Variants in APBB2 observed in about 807,000 individuals in gnomAD.
The protein encoded by APBB2 is Fe65-like 1.
In APBB2, 38 loss-of-function variants were observed where a neutral mutation model predicts 82.5. The observed-to-expected ratio is 0.46, with a 90% confidence interval of 0.36 to 0.60. The LOEUF (loss-of-function observed/expected upper bound fraction) is 0.60, where lower values mean the gene tolerates loss of function less well. Among genes scored for constraint, APBB2 ranks in the 20% least tolerant of loss-of-function variants. The pLI, the probability that APBB2 is intolerant of heterozygous loss-of-function variation, is 0.00. For synonymous variants in APBB2, 341 were observed against 368.2 expected (o/e 0.93, Z 0.85); for missense variants, 772 against 972.3 (o/e 0.79, Z 2.74).
chr4:41,153,870 T>C (rs1015734632), intron 1 of APBB2, among the ~76,000 whole-genome samples: 6 of 152,194 alleles, frequency 3.9e-5, no homozygotes, highest in Non-Finnish European at 8.8e-5. Flanking sequence ...TTTGTTTGAA[T>C]TTGCTCTATA....
At chr4:40,929,797 G>A (rs1265348710) in intron 10 of APBB2, among the ~76,000 whole-genome samples, 6 of 152,172 alleles carry the variant, frequency 3.9e-5, no homozygotes, top group Non-Finnish European at 8.8e-5. Context: ...CAATAAAACC[G>A]ATAGCCTTTG....
chr4:41,185,010 T>C (rs371014639), intron 1 of APBB2, among the ~76,000 whole-genome samples: 1 of 152,232 alleles, frequency 6.6e-6, no homozygotes, highest in South Asian at 2.1e-4. Flanking sequence ...CCTGAGACAC[T>C]TATCTATCTC....
chr4:40,856,316 T>A (rs975075212), intron 12 of APBB2, among the ~76,000 whole-genome samples: 1 of 152,200 alleles, frequency 6.6e-6, no homozygotes, highest in African/African-American at 2.4e-5. Flanking sequence ...AAACAGATAA[T>A]AGAAAAGGCA....
At position 40,821,973 on chromosome 4, in the gene APBB2, A is replaced by T; in HGVS notation, c.2010T>A (p.Phe670Leu). Residue 670 changes from phenylalanine to leucine, a missense_variant, in exon 17 of 18, where the codon TTT (phenylalanine) becomes TTA (leucine). By Grantham distance (22) the Phe-to-Leu change is conservative. Coordinates refer to ENST00000508593, the MANE Select transcript of APBB2 (RefSeq NM_004307.2). The part of the protein sequence containing the change: ...FMGVGKDVHT[F>L]AFIMDTGNQR... ...GGTTCCCCGTGTCCATGATGAAGGC[A>T]AATGTGTGGACGTCCTTCCCAACAC... 6.2e-7 allele frequency: 1 copy of T among 1,614,184 alleles called. No individual in the cohort carries two copies. The highest frequency in any genetic ancestry group is 8.5e-7 in the Non-Finnish European group (1 of 1,180,038).
At chr4:40,825,593 G>A (rs1749639426) in intron 15 of APBB2, among the ~76,000 whole-genome samples, 1 of 152,236 alleles carries the variant, frequency 6.6e-6, no homozygotes, top group Non-Finnish European at 1.5e-5. Flanking sequence ...GAGCAGCGGA[G>A]CTCTTCCACG....
At chr4:41,018,527 T>G (rs11942164) in intron 5 of APBB2, among the ~76,000 whole-genome samples, 5,712 of 152,234 alleles carry the variant, frequency 0.038, 201 homozygotes, top group African/African-American at 0.097. Flanking sequence ...TCTAACACTT[T>G]GGACTTGACC....
chr4:40,994,235 C>T (rs1345294258), intron 6 of APBB2, among the ~76,000 whole-genome samples: 1 of 150,726 alleles, frequency 6.6e-6, no homozygotes, highest in Non-Finnish European at 1.5e-5. Context: ...TGCAGTGAGC[C>T]GAGATCGCGC....
At chr4:41,020,601 G>T (rs778777118) in intron 5 of APBB2, among the ~76,000 whole-genome samples, 7 of 152,206 alleles carry the variant, frequency 4.6e-5, no homozygotes, top group Non-Finnish European at 8.8e-5. Flanking sequence ...AGGGCGTTCA[G>T]TCCATATTAA....
intron 6 of APBB2, among the ~76,000 whole-genome samples, chr4:40,957,076 G>T (rs1265507775): frequency 6.6e-6 from 1 of 152,188 alleles, no homozygotes; most frequent in African/African-American, 2.4e-5. Context: ...TCTGCTCTTT[G>T]TAAGACAGGA....
chr4:41,068,731 G>A (rs1049375382), intron 3 of APBB2, among the ~76,000 whole-genome samples: 6 of 150,356 alleles, frequency 4.0e-5, no homozygotes, highest in African/African-American at 1.5e-4. Flanking sequence ...GGCTTTGGGT[G>A]TCAACATTTC....
intron 12 of APBB2, chr4:40,856,858 C>G (rs1029380534): frequency 6.2e-6 from 5 of 808,586 alleles, no homozygotes; most frequent in Non-Finnish European, 7.5e-6. Context: ...CCGTCCAGGA[C>G]CAGGCAACTC....
chr4:41,033,078 C>T (rs115939330), intron 5 of APBB2, among the ~76,000 whole-genome samples, 158 bp downstream of exon 5: 3,252 of 152,030 alleles, frequency 0.021, 114 homozygotes, highest in African/African-American at 0.075. Flanking sequence ...CCACCGCGCC[C>T]GGCCAAGATT....
intron 3 of APBB2, among the ~76,000 whole-genome samples, chr4:41,074,390 G>A (rs1181730689): frequency 6.6e-6 from 1 of 152,044 alleles, no homozygotes. Flanking sequence ...AGTACTTCCT[G>A]CCTGTTGCTC....
At chr4:41,162,685 C>T (rs1765482945) in intron 1 of APBB2, among the ~76,000 whole-genome samples, 1 of 151,904 alleles carries the variant, frequency 6.6e-6, no homozygotes, top group East Asian at 1.9e-4. Flanking sequence ...AAGACCATGT[C>T]TCTACAAAAA....
intron 3 of APBB2, among the ~76,000 whole-genome samples, chr4:41,070,450 C>G (rs183780570): frequency 6.6e-6 from 1 of 152,012 alleles, no homozygotes; most frequent in Admixed American, 6.6e-5. Context: ...GCTGGGATTA[C>G]AGGCATGCAC....
chr4:40,899,121 G>A (rs1337113904), intron 10 of APBB2, among the ~76,000 whole-genome samples: 1 of 152,222 alleles, frequency 6.6e-6, no homozygotes, highest in Admixed American at 6.5e-5. Context: ...GACCTTGGGT[G>A]AGTTAGTTAA....
chr4:40,936,058 G>A (rs1485722340), intron 7 of APBB2, among the ~76,000 whole-genome samples: 1 of 152,158 alleles, frequency 6.6e-6, no homozygotes, highest in Non-Finnish European at 1.5e-5. Flanking sequence ...TGACTGGTTA[G>A]GCAAATCTGT....
chr4:40,839,763 C>G (rs897531065), intron 12 of APBB2, among the ~76,000 whole-genome samples: 1 of 151,746 alleles, frequency 6.6e-6, no homozygotes, highest in Non-Finnish European at 1.5e-5. Context: ...CTCCCAGGTT[C>G]AAGAAATTCT....
At chr4:40,935,164 G>GA in intron 7 of APBB2, 25 bp from the exon 8 acceptor site, 1 of 1,372,982 alleles carries the variant, frequency 7.3e-7, no homozygotes, top group Non-Finnish European at 9.7e-7. Flanking sequence ...ATTCACATAG[G>GA]AAAAAAGCAC....
Sources: allele counts gnomAD v4.1 joint callset (sites outside exome capture counted in the v4.1 genomes callset), GRCh38; gene constraint gnomAD v4.1.1; transcripts MANE v1.5; gene names NCBI Gene and HGNC (gene_info 2026-07-23, HGNC 2026-07-21).